The following DYNC2I1 variants were observed in gnomAD, a reference collection of about 807,000 sequenced individuals.
DYNC2I1 encodes the protein dynein 2 intermediate chain 1, also known as cytoplasmic dynein 2 intermediate chain 1.
DYNC2I1 carries 89 observed loss-of-function variants against 133.4 expected under a neutral mutation model. That is an observed-to-expected ratio of 0.67 (90% confidence interval 0.56 to 0.80). The LOEUF is 0.80. Ranked by LOEUF, DYNC2I1 falls within the 30% of genes least tolerant of loss-of-function variation. The pLI, the probability that DYNC2I1 is intolerant of heterozygous loss-of-function variation, is 0.00. For synonymous variants in DYNC2I1, 504 were observed against 484.3 expected, an observed-to-expected ratio of 1.04 and a Z score of -0.54; for missense variants, 1,291 against 1,314.5, an observed-to-expected ratio of 0.98 and a Z score of 0.28.
chr7:158,911,325 C>T (rs1847450732), intron 11 of DYNC2I1, among the ~76,000 whole-genome samples: 1 of 152,152 alleles, frequency 6.6e-6, no homozygotes, highest in Admixed American at 6.5e-5. Context: ...ACGAGGCAGT[C>T]GGGGAGCAGA....
In DYNC2I1 at chr7:158,871,342, G is replaced by A. The variant is rs759516307; in HGVS notation, c.270G>A (p.Arg90=). The part of the protein sequence containing the change: ...PRGERDRDRQ[R]ERRRDAKDRE... ...GGGAGAGGGACAGAGACAGACAGAG[G>A]GAGAGGAGAAGAGACGCAAAAGACC... is the stretch of plus-strand genomic sequence containing the variant. Residue 90 remains arginine, a synonymous_variant, in exon 3 of 25, where the codon AGG becomes AGA. Coordinates refer to ENST00000407559, the MANE Select transcript of DYNC2I1 (RefSeq NM_018051.5). The A allele has an allele frequency of 1.3e-6, 2 of 1,555,148 alleles. No homozygotes were observed. Among genetic ancestry groups the A allele is most frequent in the South Asian group, 2.4e-5 (2 of 84,526 alleles).
intron 4 of DYNC2I1, among the ~76,000 whole-genome samples, chr7:158,954,250 G>T (rs989656060): frequency 6.6e-6 from 1 of 152,106 alleles, no homozygotes; most frequent in Non-Finnish European, 1.5e-5. Flanking sequence ...GAATTACCCC[G>T]TCTCCAGTAT....
In DYNC2I1 at chr7:158,871,446, AAGAC is replaced by A. The variant is rs1203407896; in HGVS notation, c.378_381del (p.Asp126GlufsTer38). 2 of 1,550,980 alleles carry A rather than the reference AAGAC, an allele frequency of 1.3e-6. No individual in the cohort carries two copies. The highest frequency in any genetic ancestry group is 1.7e-6 in the Non-Finnish European group (2 of 1,146,952). On this transcript the variant is annotated frameshift_variant, in exon 3 of 25. Transcript: ENST00000407559. LOFTEE classifies it high-confidence loss of function. Reference sequence around the variant, plus strand: ...AGAGGAAAGGACAGGGAAAAAGAAAAAGACAGAAGGGCCCGGAAGGAAGAGCTCC... The same window carrying A: ...AGAGGAAAGGACAGGGAAAAAGAAAAAGAAGGGCCCGGAAGGAAGAGCTCC...
chr7:158,926,163 A>G (rs747261015), intron 17 of DYNC2I1, 24 bp from the exon 18 acceptor site: 38 of 1,572,130 alleles, frequency 2.4e-5, no homozygotes, highest in South Asian at 3.4e-5. Context: ...TTACACGTGG[A>G]TGCTGTGGGC....
chr7:158,862,580 C>T (rs1435004947), intron 1 of DYNC2I1, among the ~76,000 whole-genome samples: 1 of 138,140 alleles, frequency 7.2e-6, no homozygotes, highest in African/African-American at 2.7e-5. Context: ...AAAGCCTGGG[C>T]ATGGTGGTGC....
intron 1 of DYNC2I1, among the ~76,000 whole-genome samples, 163 bp downstream of exon 1, chr7:158,856,913 G>A (rs1012154329): frequency 5.3e-5 from 8 of 152,034 alleles, no homozygotes; most frequent in Non-Finnish European, 5.9e-5. Context: ...GAAGGGAAAC[G>A]GAGGCGCGGC....
chr7:158,916,706 G>A (rs1391105479), intron 14 of DYNC2I1, among the ~76,000 whole-genome samples: 1 of 70,746 alleles, frequency 1.4e-5, no homozygotes, highest in African/African-American at 5.0e-5. Context: ...ATTGTGAAAC[G>A]TCTGCACGCT....
At chr7:158,932,077 G>A (rs1463648002) in intron 21 of DYNC2I1, among the ~76,000 whole-genome samples, 2 of 152,254 alleles carry the variant, frequency 1.3e-5, no homozygotes, top group East Asian at 1.9e-4. Context: ...CCAGAATCAC[G>A]TGGCTGGGAC....
At chr7:158,958,233 C>T (rs139356907), downstream of DYNC2I1, among the ~76,000 whole-genome samples, 1 of 152,034 alleles carries the variant, frequency 6.6e-6, no homozygotes, top group African/African-American at 2.4e-5. Context: ...TGAGGTGCAC[C>T]TTGATTCCAG....
At chr7:158,875,419 C>G (rs1843265685) in intron 3 of DYNC2I1, among the ~76,000 whole-genome samples, 1 of 152,164 alleles carries the variant, frequency 6.6e-6, no homozygotes, top group African/African-American at 2.4e-5. Flanking sequence ...AATGAATGCA[C>G]TTTGCCTCAG....
chr7:158,839,714 G>A, the DYNC2I1 span, among the ~76,000 whole-genome samples: 1 of 152,242 alleles, frequency 6.6e-6, no homozygotes, highest in East Asian at 1.9e-4. Flanking sequence ...CAGCTACTCG[G>A]GAGGCTGAGG....
intron 8 of DYNC2I1, among the ~76,000 whole-genome samples, chr7:158,895,667 A>G (rs1044576971): frequency 5.3e-5 from 8 of 152,212 alleles, no homozygotes; most frequent in African/African-American, 1.9e-4. Flanking sequence ...GCCAATATTC[A>G]TACAATTCTG....
intron 14 of DYNC2I1, 145 bp downstream of exon 14, chr7:158,914,466 T>G (rs1344727944): frequency 1.5e-6 from 1 of 685,604 alleles, no homozygotes; most frequent in African/African-American, 1.8e-5. Context: ...TATTATTTTC[T>G]TACAAATTAT....
At chr7:158,857,687 G>A (rs1313351092) in intron 1 of DYNC2I1, among the ~76,000 whole-genome samples, 2 of 151,220 alleles carry the variant, frequency 1.3e-5, no homozygotes, top group Non-Finnish European at 2.9e-5. Flanking sequence ...ACAGATGTCC[G>A]CCACCAAGCC....
chr7:158,847,033 C>T, the DYNC2I1 span, among the ~76,000 whole-genome samples: 1 of 152,184 alleles, frequency 6.6e-6, no homozygotes, highest in Admixed American at 6.5e-5. Context: ...AAGTGCTTAT[C>T]AGACTTTAAT....
intron 7 of DYNC2I1, among the ~76,000 whole-genome samples, chr7:158,890,763 G>A (rs888938712): frequency 2.0e-5 from 3 of 151,880 alleles, no homozygotes; most frequent in African/African-American, 4.8e-5. Context: ...TAGTAGAGAC[G>A]GGATTTCACC....
At chr7:158,958,460 G>A (rs1852256122), downstream of DYNC2I1, among the ~76,000 whole-genome samples, 4 of 152,246 alleles carry the variant, frequency 2.6e-5, no homozygotes, top group Admixed American at 2.6e-4. Context: ...GGGCCACTGC[G>A]GAGCAGAACG....
intron 11 of DYNC2I1, among the ~76,000 whole-genome samples, chr7:158,911,176 C>T (rs990045483): frequency 6.6e-6 from 1 of 152,218 alleles, no homozygotes; most frequent in African/African-American, 2.4e-5. Flanking sequence ...CAGGTGATTG[C>T]ATAGTCAGTA....
chr7:158,953,771 GA>G (rs2129490434), intron 4 of DYNC2I1, among the ~76,000 whole-genome samples: 1 of 152,122 alleles, frequency 6.6e-6, no homozygotes, highest in South Asian at 2.1e-4. Context: ...ATAAGTACCT[GA>G]TGCATCATAG....
Sources: allele counts gnomAD v4.1 joint callset (sites outside exome capture counted in the v4.1 genomes callset), GRCh38; gene constraint gnomAD v4.1.1; transcripts MANE v1.5; gene names NCBI Gene and HGNC (gene_info 2026-07-23, HGNC 2026-07-21).